The following SYNPR variants were observed in gnomAD, a reference collection of about 807,000 sequenced individuals.
SYNPR encodes the protein synaptoporin.
A neutral mutation model predicts 32.9 loss-of-function variants in SYNPR; 23 were observed. The ratio of observed to expected loss-of-function variants is 0.70; its 90% CI spans 0.50 to 0.99. The LOEUF (loss-of-function observed/expected upper bound fraction) is 0.99. Among genes scored for constraint, SYNPR ranks in the 50% least tolerant of loss-of-function variants. The pLI is 0.00. For missense variants in SYNPR, 318 were observed against 349.3 expected (o/e 0.91, Z 0.71); for synonymous variants, 146 against 135.9 (o/e 1.07, Z -0.52).
chr3:63,503,898 T>G lies in SYNPR; in HGVS notation c.209+22942T>G, dbSNP rs545563786. ...AGATATCAATAATATTTTAATTAAT[T>G]TATATGAATAGGATATTGCCTTTAG... is the stretch of plus-strand genomic sequence containing the variant. On this transcript the variant is annotated intron_variant, in intron 3 of 5. Coordinates refer to ENST00000478300, the MANE Select transcript of SYNPR (RefSeq NM_001130003.2). 7.2e-5 allele frequency among the ~76,000 whole-genome samples: 11 copies of G among 152,164 alleles called. 1 individual carries two copies. The East Asian group carries it at 2.1e-3, about 29-fold the overall frequency.
At chr3:63,426,992 T>A (rs1017484451) in intron 2 of SYNPR, among the ~76,000 whole-genome samples, 1 of 152,184 alleles carries the variant, frequency 6.6e-6, no homozygotes, top group Non-Finnish European at 1.5e-5. Context: ...AGAATAAATA[T>A]GCTTCTTGGG....
chr3:63,205,312 A>G, the SYNPR span, among the ~76,000 whole-genome samples: 1 of 152,220 alleles, frequency 6.6e-6, no homozygotes, highest in Non-Finnish European at 1.5e-5. Context: ...ATTTTTGAAT[A>G]TGCAAACAAA....
intron 2 of SYNPR, among the ~76,000 whole-genome samples, chr3:63,377,709 A>G (rs1327699690): frequency 6.6e-6 from 1 of 152,090 alleles, no homozygotes; most frequent in Non-Finnish European, 1.5e-5. Context: ...CATTAATTAC[A>G]TGGTTTTATA....
intron 3 of SYNPR, among the ~76,000 whole-genome samples, chr3:63,505,407 C>T (rs1701568509): frequency 6.6e-6 from 1 of 152,126 alleles, no homozygotes; most frequent in South Asian, 2.1e-4. Context: ...CACACTTCCA[C>T]ACAACAATAC....
chr3:63,271,208 T>A (rs1678909925), intron 3 of SYNPR, among the ~76,000 whole-genome samples: 1 of 152,188 alleles, frequency 6.6e-6, no homozygotes, highest in African/African-American at 2.4e-5. Flanking sequence ...ATTTTAGGTA[T>A]TGGATTCATG....
chr3:63,599,346 G>A (rs370623381), intron 4 of SYNPR, among the ~76,000 whole-genome samples: 54 of 152,150 alleles, frequency 3.5e-4, no homozygotes, highest in Non-Finnish European at 6.0e-4. Context: ...TGCAAGCTCC[G>A]TTCATGGTAA....
intron 2 of SYNPR, among the ~76,000 whole-genome samples, chr3:63,414,341 T>C (rs1004530222): frequency 1.3e-5 from 2 of 152,144 alleles, no homozygotes; most frequent in Non-Finnish European, 2.9e-5. Context: ...ATCTGATGGA[T>C]TTCTTACTTT....
At chr3:63,529,593 C>A (rs1224554848) in intron 3 of SYNPR, among the ~76,000 whole-genome samples, 2 of 152,096 alleles carry the variant, frequency 1.3e-5, no homozygotes, top group East Asian at 3.9e-4. Flanking sequence ...TATGCAAATT[C>A]CAACTGGACT....
intron 3 of SYNPR, among the ~76,000 whole-genome samples, chr3:63,520,740 C>A (rs556208132): frequency 6.6e-6 from 1 of 151,890 alleles, no homozygotes; most frequent in East Asian, 1.9e-4. Flanking sequence ...AAAGGGAGTA[C>A]CCAGCTAGTG....
intron 2 of SYNPR, among the ~76,000 whole-genome samples, chr3:63,453,292 C>T (rs1292354166): frequency 1.3e-5 from 2 of 152,074 alleles, no homozygotes; most frequent in Admixed American, 6.6e-5. Context: ...GAGTCAGGAA[C>T]CCCCCAACAG....
intron 2 of SYNPR, among the ~76,000 whole-genome samples, chr3:63,353,716 A>C (rs1262163037): frequency 6.6e-6 from 1 of 152,162 alleles, no homozygotes; most frequent in African/African-American, 2.4e-5. Context: ...TTCAGCTGTT[A>C]ACACCTCCAG....
chr3:63,515,824 C>CT (rs1199896745), intron 3 of SYNPR, among the ~76,000 whole-genome samples: 1 of 152,052 alleles, frequency 6.6e-6, no homozygotes, highest in African/African-American at 2.4e-5. Flanking sequence ...AGTCATATTA[C>CT]TGTTTTTTCA....
At chr3:63,327,383 A>G (rs1486708551) in intron 2 of SYNPR, among the ~76,000 whole-genome samples, 1 of 152,120 alleles carries the variant, frequency 6.6e-6, no homozygotes, top group Non-Finnish European at 1.5e-5. Flanking sequence ...GTTATCATGT[A>G]TATGTGGTAC....
Position 63,426,995 on chromosome 3 carries a change from T to C in SYNPR, c.85-53837T>C, listed in dbSNP as rs17031737. On this transcript the variant is annotated intron_variant, in intron 2 of 5. Transcript: ENST00000478300. ...TGTAGTTCTACCAGAATAAATATGC[T>C]TCTTGGGTATATCCATACTGACAGC... 1.3e-3 allele frequency among the ~76,000 whole-genome samples: 204 copies of C among 152,160 alleles called. 1 individual carries two copies. The highest frequency in any genetic ancestry group is 4.6e-3 in the African/African-American group (190 of 41,510).
chr3:63,471,636 A>T (rs1451516861), intron 2 of SYNPR, among the ~76,000 whole-genome samples: 1 of 152,244 alleles, frequency 6.6e-6, no homozygotes, highest in Non-Finnish European at 1.5e-5. Context: ...CGCAGTTAAC[A>T]AAACCTTTCT....
At chr3:63,291,034 G>T (rs2086733601) in intron 2 of SYNPR, among the ~76,000 whole-genome samples, 1 of 152,176 alleles carries the variant, frequency 6.6e-6, no homozygotes, top group Non-Finnish European at 1.5e-5. Flanking sequence ...AGTGAAGCAT[G>T]GAGATCCTGA....
chr3:63,306,901 G>C (rs1045878214), intron 2 of SYNPR, among the ~76,000 whole-genome samples: 1 of 151,890 alleles, frequency 6.6e-6, no homozygotes. Context: ...TATTGTGCTT[G>C]TTTTCTTAAA....
At chr3:63,375,321 C>T (rs553008878) in intron 2 of SYNPR, among the ~76,000 whole-genome samples, 1 of 152,132 alleles carries the variant, frequency 6.6e-6, no homozygotes, top group Non-Finnish European at 1.5e-5. Context: ...GGAACCAACC[C>T]AAATGTCCAT....
intron 2 of SYNPR, among the ~76,000 whole-genome samples, chr3:63,369,930 G>A (rs2087775025): frequency 6.6e-6 from 1 of 152,116 alleles, no homozygotes; most frequent in African/African-American, 2.4e-5. Flanking sequence ...AAGATTCTTG[G>A]AGCTTCTTCA....
Sources: gnomAD v4.1 joint callset for allele counts (sites outside exome capture counted in the v4.1 genomes callset) on GRCh38, gnomAD v4.1.1 for gene constraint, MANE v1.5 for transcripts, NCBI Gene and HGNC (gene_info 2026-07-23, HGNC 2026-07-21) for gene names.